PPARGC1A: variants seen among roughly 807,000 people sequenced by gnomAD.
The protein encoded by PPARGC1A is peroxisome proliferator-activated receptor gamma coactivator 1-alpha.
PPARGC1A carries 25 observed loss-of-function variants against 88.7 expected under a neutral mutation model. The ratio of observed to expected loss-of-function variants is 0.28; its 90% CI spans 0.21 to 0.39. PPARGC1A has a LOEUF of 0.39. PPARGC1A is among the 10% of genes least tolerant of loss of function. The probability of loss-of-function intolerance (pLI) is 1.00; values close to 1 mark genes in which losing one functional copy is unlikely to be tolerated. For missense variants in PPARGC1A, 880 were observed against 968.7 expected (o/e 0.91, Z 1.22); for synonymous variants, 363 against 355.6 (o/e 1.02, Z -0.24).
At chr4:24,211,472 C>T in the PPARGC1A span, among the ~76,000 whole-genome samples, 120 of 152,242 alleles carry the variant, frequency 7.9e-4, no homozygotes, top group African/African-American at 2.6e-3. Context: ...TTACTAAGGC[C>T]AATTCCCTTT....
chr4:24,223,541 C>T, the PPARGC1A span, among the ~76,000 whole-genome samples: 37 of 152,326 alleles, frequency 2.4e-4, 1 homozygote, highest in African/African-American at 5.8e-4. Context: ...TAAGCCACTG[C>T]GCCTGGCCCT....
chr4:24,193,266 G>A, the PPARGC1A span, among the ~76,000 whole-genome samples: 9 of 152,182 alleles, frequency 5.9e-5, no homozygotes, highest in Admixed American at 5.9e-4. Context: ...ACGCAAGGCC[G>A]GGAATGTATA....
At chr4:23,934,451 T>A in the PPARGC1A span, among the ~76,000 whole-genome samples, 8 of 152,166 alleles carry the variant, frequency 5.3e-5, no homozygotes, top group Admixed American at 5.2e-4. Flanking sequence ...CCCTGCAGAC[T>A]GGTGGGGTTT....
chr4:24,214,679 G>C, the PPARGC1A span, among the ~76,000 whole-genome samples: 130 of 152,238 alleles, frequency 8.5e-4, no homozygotes, highest in African/African-American at 3.1e-3. Context: ...CATGCTGTCT[G>C]TGGTGTGTCG....
the PPARGC1A span, among the ~76,000 whole-genome samples, chr4:24,216,374 C>T: frequency 6.6e-6 from 1 of 152,042 alleles, no homozygotes; most frequent in South Asian, 2.1e-4. Context: ...TCTCAAACAC[C>T]TGGGCTCAAG....
the PPARGC1A span, among the ~76,000 whole-genome samples, chr4:24,219,196 G>A: frequency 7.9e-4 from 120 of 152,298 alleles, no homozygotes; most frequent in Non-Finnish European, 1.2e-3. Flanking sequence ...CACAACCCTT[G>A]GCAAAAGTGC....
At chr4:23,987,236 T>G in the PPARGC1A span, among the ~76,000 whole-genome samples, 3 of 152,042 alleles carry the variant, frequency 2.0e-5, no homozygotes, top group Non-Finnish European at 4.4e-5. Flanking sequence ...CTGGAAGCCC[T>G]GCATTTCAGA....
At chr4:24,236,288 T>A in the PPARGC1A span, among the ~76,000 whole-genome samples, 1 of 152,170 alleles carries the variant, frequency 6.6e-6, no homozygotes, top group African/African-American at 2.4e-5. Context: ...ACACTCCTGA[T>A]GACCTCTTCA....
the PPARGC1A span, among the ~76,000 whole-genome samples, chr4:24,158,353 T>C: frequency 6.6e-6 from 1 of 152,176 alleles, no homozygotes; most frequent in Admixed American, 6.5e-5. Context: ...TCATTTATTA[T>C]CTGTCTTCCG....
the PPARGC1A span, among the ~76,000 whole-genome samples, chr4:23,942,815 T>G: frequency 6.6e-6 from 1 of 152,210 alleles, no homozygotes; most frequent in Non-Finnish European, 1.5e-5. Context: ...GGTTTCTTCA[T>G]GCACCAATAA....
chr4:23,864,555 G>A (rs953128516), intron 2 of PPARGC1A, among the ~76,000 whole-genome samples: 2 of 152,198 alleles, frequency 1.3e-5, no homozygotes, highest in African/African-American at 4.8e-5. Context: ...AGGGTTCAAA[G>A]GAAATGATGG....
chr4:23,861,896 A>C (rs1335218142), intron 2 of PPARGC1A, among the ~76,000 whole-genome samples: 1 of 152,224 alleles, frequency 6.6e-6, no homozygotes, highest in Non-Finnish European at 1.5e-5. Context: ...TACTGAATTT[A>C]GTATGAAGAC....
At chr4:24,034,069 C>A in the PPARGC1A span, among the ~76,000 whole-genome samples, 17 of 152,244 alleles carry the variant, frequency 1.1e-4, no homozygotes, top group Non-Finnish European at 1.9e-4. Flanking sequence ...TAAATAATTA[C>A]GTAGGTATCT....
the PPARGC1A span, among the ~76,000 whole-genome samples, chr4:24,471,923 G>C: frequency 6.6e-6 from 1 of 152,212 alleles, no homozygotes; most frequent in Non-Finnish European, 1.5e-5. The surrounding 1 kb of genome is among the most constrained non-coding windows in gnomAD (Gnocchi z 5.4). Context: ...GGAGTGGAGG[G>C]GGGACAGCAC....
At chr4:24,011,498 C>T in the PPARGC1A span, among the ~76,000 whole-genome samples, 1 of 152,168 alleles carries the variant, frequency 6.6e-6, no homozygotes, top group Non-Finnish European at 1.5e-5. Flanking sequence ...AGGAAACATG[C>T]TAACGTTGCT....
the PPARGC1A span, among the ~76,000 whole-genome samples, chr4:24,404,739 G>T: frequency 6.6e-6 from 1 of 152,202 alleles, no homozygotes; most frequent in Non-Finnish European, 1.5e-5. Context: ...GATGTTGCCA[G>T]ATTTTATATT....
chr4:24,330,654 G>A, the PPARGC1A span, among the ~76,000 whole-genome samples: 1 of 152,158 alleles, frequency 6.6e-6, no homozygotes, highest in African/African-American at 2.4e-5. Context: ...TTGTGGGGAG[G>A]ATTATTAGGC....
chr4:23,824,170 T>C (rs537536018), intron 7 of PPARGC1A, 110 bp downstream of exon 7: 6 of 872,546 alleles, frequency 6.9e-6, no homozygotes, highest in South Asian at 3.5e-5. Context: ...CAATTTTGTA[T>C]TCTTTGTTAA....
At chr4:24,251,261 T>C in the PPARGC1A span, among the ~76,000 whole-genome samples, 1 of 152,220 alleles carries the variant, frequency 6.6e-6, no homozygotes, top group Non-Finnish European at 1.5e-5. Flanking sequence ...GCAAGTTACT[T>C]AACTTCTCTG....
Sources: allele counts gnomAD v4.1 joint callset (sites outside exome capture counted in the v4.1 genomes callset), GRCh38; gene constraint gnomAD v4.1.1; non-coding constraint Gnocchi (gnomAD v3.1); transcripts MANE v1.5; gene names NCBI Gene and HGNC (gene_info 2026-07-23, HGNC 2026-07-21).